The following CNTNAP2 variants were observed in gnomAD, a reference collection of about 807,000 sequenced individuals.
CNTNAP2 encodes the protein contactin-associated protein-like 2.
A neutral mutation model predicts 155.2 loss-of-function variants in CNTNAP2; 98 were observed. The observed-to-expected ratio is 0.63, with a 90% CI of 0.54 to 0.75. CNTNAP2 has a LOEUF of 0.75. Ranked by LOEUF, CNTNAP2 falls within the 30% of genes least tolerant of loss-of-function variation. CNTNAP2 has a pLI of 0.00. For missense variants in CNTNAP2, 1,727 were observed against 1,688.1 expected (o/e 1.02, Z -0.40); for synonymous variants, 651 against 631.2 (o/e 1.03, Z -0.47).
At chr7:148,049,529 G>A (rs904318249) in intron 15 of CNTNAP2, among the ~76,000 whole-genome samples, 1 of 152,048 alleles carries the variant, frequency 6.6e-6, no homozygotes, top group African/African-American at 2.4e-5. Context: ...AACGAGATAG[G>A]CTGTATAGTT....
intron 10 of CNTNAP2, among the ~76,000 whole-genome samples, chr7:147,401,623 A>G (rs183057186): frequency 6.6e-6 from 1 of 152,254 alleles, no homozygotes; most frequent in Admixed American, 6.5e-5. Context: ...TCTCAAGTTG[A>G]TTTGTAATCA....
At chr7:148,218,941 T>A (rs971246820) in intron 19 of CNTNAP2, among the ~76,000 whole-genome samples, 4 of 137,238 alleles carry the variant, frequency 2.9e-5, no homozygotes, top group Admixed American at 7.2e-5. Context: ...TCACTCTTTT[T>A]TTTTTTTTTT....
At chr7:147,141,867 G>C (rs1210650689) in intron 8 of CNTNAP2, among the ~76,000 whole-genome samples, 1 of 152,092 alleles carries the variant, frequency 6.6e-6, no homozygotes, top group Non-Finnish European at 1.5e-5. Context: ...TATTATCCAA[G>C]TTTCTATTTC....
chr7:148,106,493 G>T (rs1585128532), intron 15 of CNTNAP2, among the ~76,000 whole-genome samples: 1 of 124,912 alleles, frequency 8.0e-6, no homozygotes, highest in South Asian at 2.6e-4. Context: ...CACACTTTGA[G>T]ATATATATAT....
intron 9 of CNTNAP2, among the ~76,000 whole-genome samples, chr7:147,327,916 C>A (rs1795490699): frequency 6.6e-6 from 1 of 151,916 alleles, no homozygotes; most frequent in Non-Finnish European, 1.5e-5. Flanking sequence ...GCCACCAATA[C>A]CTTAGCAGGA....
intron 13 of CNTNAP2, among the ~76,000 whole-genome samples, chr7:147,689,177 T>C (rs961570300): frequency 2.0e-5 from 3 of 149,824 alleles, no homozygotes; most frequent in Non-Finnish European, 4.4e-5. Context: ...TGAGACAGCG[T>C]CTTGCCCTGT....
chr7:147,837,852 G>A (rs543745323), intron 13 of CNTNAP2, among the ~76,000 whole-genome samples: 1 of 152,200 alleles, frequency 6.6e-6, no homozygotes, highest in Non-Finnish European at 1.5e-5. Context: ...GCCTTGGGCA[G>A]CTCTGTCCCT....
intron 10 of CNTNAP2, among the ~76,000 whole-genome samples, chr7:147,472,341 T>C (rs1159580531): frequency 6.6e-6 from 1 of 151,458 alleles, no homozygotes; most frequent in Non-Finnish European, 1.5e-5. Context: ...GCCTCCTGTG[T>C]AGCTGGGATT....
intron 8 of CNTNAP2, among the ~76,000 whole-genome samples, chr7:147,182,340 TTTG>T (rs1357064580): frequency 6.6e-6 from 1 of 152,104 alleles, no homozygotes; most frequent in Non-Finnish European, 1.5e-5. Flanking sequence ...TTTGTGTTAA[TTTG>T]TTATTTTTTA....
At chr7:148,232,707 T>C (rs2116784366) in intron 20 of CNTNAP2, among the ~76,000 whole-genome samples, 1 of 152,336 alleles carries the variant, frequency 6.6e-6, no homozygotes, top group African/African-American at 2.4e-5. Context: ...TGCTGTGGAA[T>C]GATGTCTTTG....
chr7:146,464,826 A>C (rs1181829691), intron 1 of CNTNAP2, among the ~76,000 whole-genome samples: 1 of 152,274 alleles, frequency 6.6e-6, no homozygotes, highest in South Asian at 2.1e-4. Context: ...TTGGCTGGGC[A>C]AGCGGGAATG....
In CNTNAP2 at chr7:147,716,505, T is replaced by C. The variant is rs544612530; in HGVS notation, c.2098+77199T>C. Reference sequence around the variant, plus strand: ...CAGCTCCCACCCTAAGCTTTTATTATGCAGGCGAGTTCTCTGCCTGAGCTG... The same window carrying C: ...CAGCTCCCACCCTAAGCTTTTATTACGCAGGCGAGTTCTCTGCCTGAGCTG... On this transcript the variant is annotated intron_variant, in intron 13 of 23. Transcript: ENST00000361727. Among the ~76,000 whole-genome samples the C allele has an allele frequency of 2.0e-5, 3 of 152,122 alleles. No individual in the cohort carries two copies. In the South Asian group the frequency reaches 6.2e-4, roughly 31 times the overall value.
At chr7:148,010,154 C>T (rs1182843552) in intron 15 of CNTNAP2, among the ~76,000 whole-genome samples, 1 of 151,794 alleles carries the variant, frequency 6.6e-6, no homozygotes, top group Admixed American at 6.6e-5. Context: ...TTTGGGTTTT[C>T]TTGATTAAGG....
chr7:147,257,760 T>C (rs1321396574), intron 8 of CNTNAP2, among the ~76,000 whole-genome samples: 2 of 152,142 alleles, frequency 1.3e-5, no homozygotes, highest in East Asian at 3.9e-4. Flanking sequence ...AGGGTGATAA[T>C]GAAAACTTTA....
intron 21 of CNTNAP2, among the ~76,000 whole-genome samples, chr7:148,363,567 G>A (rs1177941): frequency 0.31 from 46,765 of 152,180 alleles, 7,884 homozygotes; most frequent in Non-Finnish European, 0.39. Context: ...ACCTCTGTAC[G>A]TGTGTTTCCT....
intron 1 of CNTNAP2, among the ~76,000 whole-genome samples, chr7:146,676,713 C>T (rs1800404414): frequency 1.3e-5 from 2 of 152,096 alleles, no homozygotes; most frequent in African/African-American, 4.8e-5. Flanking sequence ...GCAAAAGGCT[C>T]ATCTTACATG....
At chr7:147,686,773 C>T (rs1000427808) in intron 13 of CNTNAP2, among the ~76,000 whole-genome samples, 1 of 151,112 alleles carries the variant, frequency 6.6e-6, no homozygotes, top group African/African-American at 2.4e-5. Flanking sequence ...TTGAAAGACA[C>T]CAAGAGGAGA....
intron 13 of CNTNAP2, among the ~76,000 whole-genome samples, chr7:147,889,149 G>T (rs1799645530): frequency 6.6e-6 from 1 of 151,780 alleles, no homozygotes; most frequent in African/African-American, 2.4e-5. Context: ...ATATTTAAGA[G>T]AATGCAAAAT....
intron 15 of CNTNAP2, among the ~76,000 whole-genome samples, chr7:147,984,147 G>A (rs967131692): frequency 1.3e-5 from 2 of 152,164 alleles, no homozygotes; most frequent in Non-Finnish European, 2.9e-5. Context: ...TCATGGCCCT[G>A]GTGGAAGTAT....
Sources: gnomAD v4.1 joint callset for allele counts (sites outside exome capture counted in the v4.1 genomes callset) on GRCh38, gnomAD v4.1.1 for gene constraint, MANE v1.5 for transcripts, NCBI Gene and HGNC (gene_info 2026-07-23, HGNC 2026-07-21) for gene names.